Variants in TEX14 observed in about 807,000 individuals in gnomAD.
TEX14 encodes the protein testis expressed 14, intercellular bridge forming factor.
TEX14 carries 168 observed loss-of-function variants against 178.6 expected under a neutral mutation model. That is an observed-to-expected ratio of 0.94 (90% CI 0.83 to 1.07). TEX14 has a LOEUF of 1.07. Ranked by LOEUF, TEX14 falls within the 50% of genes least tolerant of loss-of-function variation. The probability of loss-of-function intolerance (pLI) is 0.00; values close to 1 mark genes in which losing one functional copy is unlikely to be tolerated. For synonymous variants in TEX14, 626 were observed against 634.1 expected, an observed-to-expected ratio of 0.99 and a Z score of 0.19; for missense variants, 1,730 against 1,753.6, an observed-to-expected ratio of 0.99 and a Z score of 0.24.
At chr17:58,686,670 A>C (rs2047598562) in intron 1 of TEX14, among the ~76,000 whole-genome samples, 1 of 152,106 alleles carries the variant, frequency 6.6e-6, no homozygotes, top group Non-Finnish European at 1.5e-5. Flanking sequence ...GACAACAAAT[A>C]CATATTGGGC....
In TEX14 at chr17:58,565,791, A is replaced by G; in HGVS notation, c.3920T>C (p.Val1307Ala). 1.9e-6 allele frequency: 3 copies of G among 1,609,830 alleles called. No homozygotes were observed. Among genetic ancestry groups the G allele is most frequent in the Non-Finnish European group, 2.5e-6 (3 of 1,178,324 alleles). The change falls in exon 27 of 32, where the codon GTG (valine) becomes GCG (alanine). Residue 1307 changes from valine (V) to alanine (A), a missense_variant. By Grantham distance (64) the Val-to-Ala change is moderately conservative. Transcript: ENST00000349033. ...ATCACTTGCTGTGTTCTCATGCAAC[A>G]CCGTGGATGAGCCCTGCTGCTGTTT... ...LLKQQQGSST[V>A]LHENTASDGG...
Position 58,557,784 on chromosome 17 carries a change from C to G in TEX14, c.4319+15G>C, listed in dbSNP as rs763148836. 2.7e-5 allele frequency: 43 copies of G among 1,605,628 alleles called. No homozygotes were observed. The East Asian group carries it at 9.2e-4, about 34-fold the overall frequency. On this transcript the variant is annotated intron_variant, in intron 31 of 31. Coordinates refer to ENST00000349033, the MANE Select transcript of TEX14 (RefSeq NM_031272.5). Reference sequence around the variant, plus strand: ...AACATGACTTTTGATCTACAAACATCTGATATTTCATTACCTGGATGATTC... The same window carrying G: ...AACATGACTTTTGATCTACAAACATGTGATATTTCATTACCTGGATGATTC...
chr17:58,574,027 A>G (rs2044609842), intron 22 of TEX14, among the ~76,000 whole-genome samples, 160 bp downstream of exon 22: 1 of 152,200 alleles, frequency 6.6e-6, no homozygotes, highest in Non-Finnish European at 1.5e-5. Flanking sequence ...GTTATAAATC[A>G]TATCACCAAT....
intron 19 of TEX14, among the ~76,000 whole-genome samples, chr17:58,580,544 TCACGATCCACC>T (rs2044787457): frequency 6.6e-6 from 1 of 152,096 alleles, no homozygotes; most frequent in South Asian, 2.1e-4. Context: ...ACTTCTGACC[TCACGATCCACC>T]CACCTCGGCC....
At chr17:58,586,127 T>C (rs772428512) in intron 17 of TEX14, 45 bp from the exon 18 acceptor site, 5 of 1,554,054 alleles carry the variant, frequency 3.2e-6, no homozygotes, top group Non-Finnish European at 4.4e-6. Context: ...CTGTAAACAC[T>C]GGAAACACAG....
intron 1 of TEX14, among the ~76,000 whole-genome samples, chr17:58,684,287 C>T: frequency 6.6e-6 from 1 of 151,746 alleles, no homozygotes; most frequent in Non-Finnish European, 1.5e-5. Context: ...TATGATGAAA[C>T]CCCATCTCTA....
At chr17:58,627,502 G>A (rs2046172447) in intron 3 of TEX14, among the ~76,000 whole-genome samples, 1 of 152,118 alleles carries the variant, frequency 6.6e-6, no homozygotes, top group South Asian at 2.1e-4. Flanking sequence ...CGGGCATGGT[G>A]GCTCATGCCT....
intron 1 of TEX14, among the ~76,000 whole-genome samples, chr17:58,656,925 CAAAAAAAAAAAAAA>C (rs60626361): frequency 1.3e-5 from 1 of 79,540 alleles, no homozygotes; most frequent in South Asian, 5.6e-4. Flanking sequence ...TCCCATCTCA[CAAAAAAAAAAAAAA>C]AAAAAAAAAA....
chr17:58,667,659 C>T (rs1322031757), intron 1 of TEX14, among the ~76,000 whole-genome samples: 1 of 151,908 alleles, frequency 6.6e-6, no homozygotes, highest in Non-Finnish European at 1.5e-5. Context: ...CTGAGGTGGG[C>T]GAATCACTTG....
In TEX14 at chr17:58,598,964, T is replaced by C. The variant is rs774000932; in HGVS notation, c.2381A>G (p.Asn794Ser). 24 of 1,614,004 alleles carry C rather than the reference T, an allele frequency of 1.5e-5. No individual in the cohort carries two copies. Among genetic ancestry groups the C allele is most frequent in the South Asian group, 1.1e-5 (1 of 91,086 alleles). The change falls in exon 14 of 32, where the codon AAC (asparagine) becomes AGC (serine). Residue 794 changes from asparagine (N) to serine (S), a missense_variant. This residue lies in a region of TEX14 where 941 missense variants were observed against 1,072.4 expected (regional missense o/e 0.88). Coordinates refer to ENST00000349033, the MANE Select transcript of TEX14 (RefSeq NM_031272.5). ...LPLAVGPPSL[N>S]YIPPVLQLSG... ...AAGCTGTAGGACAGGAGGAATATAG[T>C]TTAAAGATGGAGGGCCCACGGCCAG...
rs372577412 is a variant in TEX14 at position 58,585,910 on chromosome 17, A to C, written c.2961T>G (p.Tyr987Ter). Residue 987 changes from tyrosine to a stop codon, truncating the protein, a stop_gained, in exon 18 of 32, where the codon TAT becomes TAG. Coordinates refer to ENST00000349033, the MANE Select transcript of TEX14 (RefSeq NM_031272.5). LOFTEE classifies it high-confidence loss of function. ...ENTDWQRVIE[Y>*]HRENDEPRGN... Reference sequence around the variant, plus strand: ...CTCTGGGCTCATCATTTTCCCTATGATACTCAATAACTCGCTGCCAATCCG... The same window carrying C: ...CTCTGGGCTCATCATTTTCCCTATGCTACTCAATAACTCGCTGCCAATCCG... 4.3e-6 allele frequency: 7 copies of C among 1,613,726 alleles called. No individual in the cohort carries two copies. The highest frequency in any genetic ancestry group is 5.9e-6 in the Non-Finnish European group (7 of 1,179,986).
chr17:58,685,047 T>G (rs117751399), intron 1 of TEX14, among the ~76,000 whole-genome samples: 1,829 of 152,250 alleles, frequency 0.012, 20 homozygotes, highest in Non-Finnish European at 0.02. Flanking sequence ...CAAATGTAGA[T>G]CTAAACCATA....
In TEX14 at chr17:58,557,786, G is replaced by T; in HGVS notation, c.4319+13C>A. 2 of 1,605,694 alleles carry T rather than the reference G, an allele frequency of 1.2e-6. No individual in the cohort carries two copies. The highest frequency in any genetic ancestry group is 1.7e-6 in the Non-Finnish European group (2 of 1,174,602). The stretch of plus-strand genomic sequence containing the variant: ...CATGACTTTTGATCTACAAACATCT[G>T]ATATTTCATTACCTGGATGATTCGG... On this transcript the variant is annotated intron_variant, in intron 31 of 31. Coordinates refer to ENST00000349033, the MANE Select transcript of TEX14 (RefSeq NM_031272.5).
intron 10 of TEX14, among the ~76,000 whole-genome samples, chr17:58,610,951 G>A (rs948689588): frequency 6.6e-6 from 1 of 151,816 alleles, no homozygotes; most frequent in South Asian, 2.1e-4. Context: ...TGGCTAATAC[G>A]AGCTCTTACT....
chr17:58,633,672 C>T (rs528524769), intron 2 of TEX14, among the ~76,000 whole-genome samples: 6 of 152,094 alleles, frequency 3.9e-5, no homozygotes, highest in East Asian at 3.9e-4. Flanking sequence ...TATAAAAACA[C>T]AAAAATTAGC....
chr17:58,575,496 CT>C (rs1176713912), intron 21 of TEX14, among the ~76,000 whole-genome samples: 1 of 152,158 alleles, frequency 6.6e-6, no homozygotes, highest in African/African-American at 2.4e-5. Flanking sequence ...TGAGTTGTGA[CT>C]TTATTAATTC....
At chr17:58,672,745 G>GT (rs2047324389) in intron 1 of TEX14, among the ~76,000 whole-genome samples, 1 of 149,806 alleles carries the variant, frequency 6.7e-6, no homozygotes, top group South Asian at 2.1e-4. Context: ...TTCTTTGTTT[G>GT]TTTTGAGATG....
At chr17:58,582,860 G>A (rs377272503) in intron 19 of TEX14, among the ~76,000 whole-genome samples, 10 of 151,210 alleles carry the variant, frequency 6.6e-5, no homozygotes, top group South Asian at 2.1e-4. Flanking sequence ...CACCGCGACC[G>A]GCCTGCAAAT....
chr17:58,660,726 G>A, intron 1 of TEX14: 1 of 781,354 alleles, frequency 1.3e-6, no homozygotes. Context: ...AATTCTTCTG[G>A]TGTTGCCTTG....
Sources: allele counts gnomAD v4.1 joint callset (sites outside exome capture counted in the v4.1 genomes callset), GRCh38; gene constraint gnomAD v4.1.1; regional missense constraint gnomAD v4.1.1; transcripts MANE v1.5; gene names NCBI Gene and HGNC (gene_info 2026-07-23, HGNC 2026-07-21).